The following CAPN8 variants were observed in gnomAD, a reference collection of about 807,000 sequenced individuals.
CAPN8 encodes calpain-8.
A neutral mutation model predicts 80.9 loss-of-function variants in CAPN8; 87 were observed. That is an observed-to-expected ratio of 1.07 (90% confidence interval 0.90 to 1.28). The LOEUF (loss-of-function observed/expected upper bound fraction) is 1.28. Among genes scored for constraint, CAPN8 ranks in the 50% most tolerant of loss-of-function variants. CAPN8 has a pLI of 0.00. For synonymous variants in CAPN8, 299 were observed against 273.8 expected, an observed-to-expected ratio of 1.09 and a Z score of -0.91; for missense variants, 757 against 702.0, an observed-to-expected ratio of 1.08 and a Z score of -0.89.
At chr1:223,632,868 G>A (rs914563103) in intron 2 of CAPN8, among the ~76,000 whole-genome samples, 1 of 152,188 alleles carries the variant, frequency 6.6e-6, no homozygotes, top group Non-Finnish European at 1.5e-5. Context: ...ATTTAGGGAA[G>A]GTTTCCATGT....
At chr1:223,553,364 G>A (rs1656840907) in intron 14 of CAPN8, among the ~76,000 whole-genome samples, 1 of 152,198 alleles carries the variant, frequency 6.6e-6, no homozygotes, top group Non-Finnish European at 1.5e-5. Context: ...CTCCCAGAGG[G>A]CGGGCAGGGC....
chr1:223,551,603 C>T (rs1656788419), intron 14 of CAPN8, among the ~76,000 whole-genome samples: 1 of 152,166 alleles, frequency 6.6e-6, no homozygotes, highest in African/African-American at 2.4e-5. Context: ...TCACAGGGCT[C>T]GCTTGAACAG....
At position 223,545,291 on chromosome 1, in the gene CAPN8, T is replaced by G; in HGVS notation, c.1773A>C (p.Gly591=). The stretch of plus-strand genomic sequence containing the variant: ...ATTCCACCGCCCCCAAAGTGCCCGT[T>G]CCATTGCTCTAGGCACATTAAAGAC... ...REMISLLDSN[G]TGTLGAVEFK... The change falls in exon 17 of 21, where the codon GGA becomes GGC. Residue 591 remains glycine, a synonymous_variant. Coordinates refer to ENST00000366872, the MANE Select transcript of CAPN8 (RefSeq NM_001143962.2). 1.9e-6 allele frequency: 3 copies of G among 1,551,570 alleles called. No individual in the cohort carries two copies. Among genetic ancestry groups the G allele is most frequent in the Non-Finnish European group, 2.6e-6 (3 of 1,146,922 alleles).
At chr1:223,548,269 T>C (rs1009848352) in intron 16 of CAPN8, among the ~76,000 whole-genome samples, 3 of 152,264 alleles carry the variant, frequency 2.0e-5, no homozygotes, top group Admixed American at 6.5e-5. Flanking sequence ...CTGTGATAAA[T>C]GGCAACCTGG....
Position 223,544,828 on chromosome 1 carries a change from T to C in CAPN8, c.1856A>G (p.Tyr619Cys), listed in dbSNP as rs1405627667. 6.4e-7 allele frequency: 1 copy of C among 1,551,562 alleles called. No individual in the cohort carries two copies. Among genetic ancestry groups the C allele is most frequent in the African/African-American group, 1.4e-5 (1 of 73,044 alleles). Residue 619 changes from tyrosine to cysteine, a missense_variant, in exon 18 of 21, where the codon TAT becomes TGT. By Grantham distance (194) the Tyr-to-Cys change is radical. Transcript: ENST00000366872. ...KYLEIYWETDYNHSGTIDAHE... is the reference protein window; with the variant it reads ...KYLEIYWETDCNHSGTIDAHE... ...GGCATCGATGGTGCCCGAGTGGTTATAATCAGTTTCCCAATAGATCTCCTA... is the reference window on the plus strand; with the variant it reads ...GGCATCGATGGTGCCCGAGTGGTTACAATCAGTTTCCCAATAGATCTCCTA...
chr1:223,558,848 G>T (rs1229940043), intron 12 of CAPN8, among the ~76,000 whole-genome samples: 1 of 148,644 alleles, frequency 6.7e-6, no homozygotes, highest in Non-Finnish European at 1.5e-5. Context: ...AAATGTGTGT[G>T]TGATATATAT....
intron 19 of CAPN8, among the ~76,000 whole-genome samples, chr1:223,543,642 G>A (rs1276052428): frequency 6.6e-6 from 1 of 152,080 alleles, no homozygotes. Flanking sequence ...GCAGAAAAAC[G>A]CCTATTGCCT....
intron 15 of CAPN8, 156 bp from the exon 16 acceptor site, chr1:223,549,538 G>A (rs772751475): frequency 8.6e-6 from 10 of 1,156,728 alleles, no homozygotes; most frequent in Non-Finnish European, 1.3e-5. Flanking sequence ...AGGCTTGTGG[G>A]CAGATACGCC....
intron 2 of CAPN8, among the ~76,000 whole-genome samples, chr1:223,640,048 A>T (rs1034000896): frequency 1.3e-5 from 2 of 152,192 alleles, no homozygotes; most frequent in Non-Finnish European, 2.9e-5. Context: ...GTCAACCTAC[A>T]CATAGCTTCT....
intron 8 of CAPN8, 144 bp downstream of exon 8, chr1:223,620,048 A>G: frequency 2.8e-6 from 2 of 722,546 alleles, no homozygotes; most frequent in South Asian, 3.5e-5. Flanking sequence ...GTGGAATTAT[A>G]CCAGGACAAA....
Position 223,651,585 on chromosome 1 carries a change from A to G in CAPN8, c.307+2745T>C, listed in dbSNP as rs80068762. Among the ~76,000 whole-genome samples, 584 of 152,342 alleles carry G rather than the reference A, an allele frequency of 3.8e-3. 8 individuals carry two copies. Among genetic ancestry groups the G allele is most frequent in the African/African-American group, 0.013 (558 of 41,576 alleles). On this transcript the variant is annotated intron_variant, in intron 2 of 20. Transcript: ENST00000366872. The stretch of plus-strand genomic sequence containing the variant: ...GACAACACACAGCCCACCCTGACAG[A>G]AGCAGCCAGACTTTGGACGTGCTGG...
At chr1:223,551,153 GT>G (rs536065654) in intron 14 of CAPN8, 136 bp from the exon 15 acceptor site, 74 of 573,206 alleles carry the variant, frequency 1.3e-4, no homozygotes, top group Middle Eastern at 2.7e-4. Flanking sequence ...TTTGTTTTTT[GT>G]TTTTTTTTGA....
intron 14 of CAPN8, among the ~76,000 whole-genome samples, chr1:223,553,321 T>C (rs1228658434): frequency 2.6e-5 from 4 of 152,164 alleles, no homozygotes; most frequent in African/African-American, 9.7e-5. Flanking sequence ...TGCATTCATG[T>C]CGGGCAAAGC....
rs1035765370 is a variant in CAPN8 at position 223,541,657 on chromosome 1, G to A, written c.*179C>T. On this transcript the variant is annotated 3_prime_UTR_variant, in exon 21 of 21. Transcript: ENST00000366872. ...TAATTGATTGCTTTCCCTCCACTGG[G>A]CCCACCGGGTCGGCTTACATAGCTC... is the stretch of plus-strand genomic sequence containing the variant. 11 of 842,412 alleles carry A rather than the reference G, an allele frequency of 1.3e-5. No individual in the cohort carries two copies. The African/African-American group carries it at 1.4e-4, about 10-fold the overall frequency. The allele number at this position is 842,412 out of a possible 1,614,324, so 52.2% of individuals were successfully genotyped here.
At chr1:223,544,918 C>T in intron 17 of CAPN8, 68 bp from the exon 18 acceptor site, 2 of 1,548,088 alleles carry the variant, frequency 1.3e-6, no homozygotes, top group Non-Finnish European at 1.7e-6. Flanking sequence ...CATCTCCCTC[C>T]ACCACACTGC....
intron 10 of CAPN8, chr1:223,615,744 T>C (rs1558341096): frequency 3.0e-6 from 2 of 664,652 alleles, no homozygotes; most frequent in Admixed American, 4.1e-5. Context: ...GGTTAATGTA[T>C]CACACATCTC....
intron 6 of CAPN8, among the ~76,000 whole-genome samples, chr1:223,625,429 A>G (rs966347716): frequency 6.6e-6 from 1 of 151,962 alleles, no homozygotes; most frequent in Non-Finnish European, 1.5e-5. Context: ...AGTCAGAAGA[A>G]CCTTCTTTTA....
Position 223,620,188 on chromosome 1 carries a change from T to A in CAPN8, c.974+4A>T, listed in dbSNP as rs1302024154. The A allele has an allele frequency of 1.3e-6, 2 of 1,551,504 alleles. No individual in the cohort carries two copies. The highest frequency in any genetic ancestry group is 1.7e-6 in the Non-Finnish European group (2 of 1,146,854). ...GACAGCGCTTCAGCAGAAAACTCTC[T>A]CACCAGAATTCTCCATCCTCAACTT... On this transcript the variant is annotated splice_donor_region_variant and intron_variant, in intron 8 of 20. Transcript: ENST00000366872.
intron 2 of CAPN8, among the ~76,000 whole-genome samples, chr1:223,648,589 G>A (rs747628258): frequency 6.6e-6 from 1 of 152,212 alleles, no homozygotes; most frequent in Middle Eastern, 3.2e-3. Flanking sequence ...CCATGGGGGA[G>A]CGTGGACTCA....
Sources: allele counts gnomAD v4.1 joint callset (sites outside exome capture counted in the v4.1 genomes callset), GRCh38; gene constraint gnomAD v4.1.1; transcripts MANE v1.5; gene names NCBI Gene and HGNC (gene_info 2026-07-23, HGNC 2026-07-21).